The following WDFY4 variants were observed in gnomAD, a reference collection of about 807,000 sequenced individuals.
WDFY4 encodes WD repeat- and FYVE domain-containing protein 4.
In WDFY4, 169 loss-of-function variants were observed where a neutral mutation model predicts 351.9. The observed-to-expected ratio is 0.48, with a 90% CI of 0.42 to 0.55. The LOEUF (loss-of-function observed/expected upper bound fraction) is 0.55. Ranked by LOEUF, WDFY4 falls within the 20% of genes least tolerant of loss-of-function variation. The probability of loss-of-function intolerance (pLI) is 0.00; values close to 1 mark genes in which losing one functional copy is unlikely to be tolerated. For missense variants in WDFY4, 3,803 were observed against 3,935.6 expected (o/e 0.97, Z 0.90); for synonymous variants, 1,622 against 1,574.6 (o/e 1.03, Z -0.71).
At chr10:48,902,452 A>T (rs546588684) in intron 47 of WDFY4, among the ~76,000 whole-genome samples, 1 of 152,248 alleles carries the variant, frequency 6.6e-6, no homozygotes, top group East Asian at 1.9e-4. Flanking sequence ...AGAAGGTGGT[A>T]GCTGGTTTTC....
chr10:48,882,465 G>A (rs1259278368), intron 43 of WDFY4, among the ~76,000 whole-genome samples: 1 of 152,198 alleles, frequency 6.6e-6, no homozygotes, highest in Non-Finnish European at 1.5e-5. Flanking sequence ...GCCTCACCAT[G>A]GTCCTGTGAG....
At chr10:48,957,508 C>A (rs562412952) in intron 52 of WDFY4, among the ~76,000 whole-genome samples, 120 of 152,314 alleles carry the variant, frequency 7.9e-4, no homozygotes, top group African/African-American at 2.7e-3. Context: ...ACCCGACCTG[C>A]GACTTTTCCT....
chr10:48,697,548 G>A (rs1034429107), intron 1 of WDFY4, among the ~76,000 whole-genome samples: 2 of 152,242 alleles, frequency 1.3e-5, no homozygotes, highest in Non-Finnish European at 2.9e-5. Context: ...ATGTGCAGGT[G>A]TGCATCTAAC....
At chr10:48,710,185 G>A (rs991943564) in intron 2 of WDFY4, among the ~76,000 whole-genome samples, 19 of 152,300 alleles carry the variant, frequency 1.2e-4, no homozygotes, top group African/African-American at 4.6e-4. Context: ...TTGGAGCCTG[G>A]GAAGTCCAAC....
intron 21 of WDFY4, 149 bp from the exon 22 acceptor site, chr10:48,789,725 T>G: frequency 2.9e-6 from 2 of 690,656 alleles, no homozygotes; most frequent in Non-Finnish European, 4.9e-6. Flanking sequence ...TCCCCTGACA[T>G]TGGTTCAATT....
chr10:48,768,525 C>T (rs778217681), intron 13 of WDFY4, among the ~76,000 whole-genome samples: 36 of 152,292 alleles, frequency 2.4e-4, no homozygotes, highest in Admixed American at 1.3e-3. Context: ...TATCCTTCAA[C>T]GCTTCATTGG....
chr10:48,936,414 C>A (rs1401090085), intron 47 of WDFY4, among the ~76,000 whole-genome samples: 3 of 151,918 alleles, frequency 2.0e-5, no homozygotes, highest in East Asian at 3.8e-4. Context: ...TATGTGAATA[C>A]ATAATTTAAA....
intron 40 of WDFY4, among the ~76,000 whole-genome samples, chr10:48,871,796 A>G (rs957278416): frequency 2.6e-5 from 4 of 152,132 alleles, no homozygotes; most frequent in Admixed American, 1.3e-4. Flanking sequence ...TTATTAACCA[A>G]TTGGAGTACT....
chr10:48,820,825 G>A (rs2067798610), intron 33 of WDFY4, among the ~76,000 whole-genome samples: 1 of 152,170 alleles, frequency 6.6e-6, no homozygotes, highest in Non-Finnish European at 1.5e-5. Context: ...CACCTGACAG[G>A]TGGCCGTGGG....
intron 35 of WDFY4, chr10:48,823,436 T>A: frequency 8.4e-7 from 1 of 1,192,478 alleles, no homozygotes; most frequent in Non-Finnish European, 1.1e-6. Flanking sequence ...TCATAGAGAG[T>A]GAAATTGGCT....
At chr10:48,807,644 T>G (rs1238635019) in intron 27 of WDFY4, among the ~76,000 whole-genome samples, 1 of 152,280 alleles carries the variant, frequency 6.6e-6, no homozygotes, top group Non-Finnish European at 1.5e-5. Context: ...TGTGCAGCAT[T>G]GCAGACATTG....
chr10:48,894,260 A>C (rs964545046), intron 44 of WDFY4, among the ~76,000 whole-genome samples: 9 of 152,192 alleles, frequency 5.9e-5, no homozygotes, highest in South Asian at 2.1e-4. Context: ...TCCATATGTC[A>C]TCTGTGTTTC....
intron 47 of WDFY4, among the ~76,000 whole-genome samples, chr10:48,936,543 T>C (rs73296675): frequency 0.039 from 5,987 of 152,036 alleles, 416 homozygotes; most frequent in African/African-American, 0.14. Context: ...CGTATGAAAA[T>C]TAAAAGCACT....
chr10:48,974,848 G>A lies in WDFY4; in HGVS notation c.8929-14G>A, dbSNP rs902021970. 2.0e-6 allele frequency: 3 copies of A among 1,526,338 alleles called. No individual in the cohort carries two copies. The African/African-American group carries it at 4.1e-5, about 21-fold the overall frequency. 94.5% of individuals were successfully genotyped at this position (1,526,338 alleles called of 1,614,324 possible). ...TGAGGGTCCCTCTCCTAACCTGTGA[G>A]TCTCTGTCCCCAGGCCTTGTATGGA... On this transcript the variant is annotated splice_polypyrimidine_tract_variant and intron_variant, in intron 57 of 61. Transcript: ENST00000325239.
chr10:48,871,029 G>A (rs1279905728), intron 40 of WDFY4, among the ~76,000 whole-genome samples: 1 of 152,076 alleles, frequency 6.6e-6, no homozygotes, highest in Non-Finnish European at 1.5e-5. Context: ...CGCCTTCCCG[G>A]TTCACACCAT....
intron 13 of WDFY4, among the ~76,000 whole-genome samples, chr10:48,768,924 C>G (rs12768835): frequency 4.9e-4 from 74 of 152,020 alleles, no homozygotes; most frequent in African/African-American, 1.7e-3. Context: ...TCAGGCATTA[C>G]TGGAAAAGGG....
intron 35 of WDFY4, chr10:48,823,759 G>C (rs1043597995): frequency 6.1e-6 from 6 of 991,708 alleles, no homozygotes; most frequent in African/African-American, 3.5e-5. Context: ...TGCTTTCAGG[G>C]GGACCAGGCC....
rs751025080 is a variant in WDFY4, at chr10:48,946,109, A to G, written c.7819A>G (p.Arg2607Gly). ...GCCCATGGGGGCTCAGACCAAGGAA[A>G]GGAAGCTGAAATTTATCCAGAGGTT... ...SKPMGAQTKE[R>G]KLKFIQRFKE... The change falls in exon 50 of 62, where the codon AGG becomes GGG. Residue 2607 changes from arginine (R) to glycine (G), a missense_variant. Arg to Gly is a moderately radical substitution (Grantham distance 125). Transcript: ENST00000325239. 13 of 1,548,844 alleles carry G rather than the reference A, an allele frequency of 8.4e-6. No individual in the cohort carries two copies. The highest frequency in any genetic ancestry group is 1.1e-5 in the Non-Finnish European group (13 of 1,146,362).
rs1031563356 is a variant in WDFY4, at chr10:48,834,022, C to T, written c.6663+1313C>T. ...CTTCAGGGCCTAGAAAGAGTCCAGA[C>T]ATAGAAGGGAAGTCCAGAAATGAAT... is the stretch of plus-strand genomic sequence containing the variant. On this transcript the variant is annotated intron_variant, in intron 39 of 61. Coordinates refer to ENST00000325239, the MANE Select transcript of WDFY4 (RefSeq NM_001394531.1). 7.2e-5 allele frequency among the ~76,000 whole-genome samples: 11 copies of T among 152,180 alleles called. No homozygotes were observed. The East Asian group carries it at 2.1e-3, about 29-fold the overall frequency.
Sources: allele counts gnomAD v4.1 joint callset (sites outside exome capture counted in the v4.1 genomes callset), GRCh38; gene constraint gnomAD v4.1.1; transcripts MANE v1.5; gene names NCBI Gene and HGNC (gene_info 2026-07-23, HGNC 2026-07-21).